The following PTPRT variants were observed in gnomAD, a reference collection of about 807,000 sequenced individuals.
PTPRT encodes the protein protein tyrosine phosphatase receptor type T, also known as receptor-type tyrosine-protein phosphatase T.
PTPRT carries 56 observed loss-of-function variants against 176.8 expected under a neutral mutation model. That is an observed-to-expected ratio of 0.32 (90% CI 0.26 to 0.40). PTPRT has a LOEUF of 0.40. PTPRT is among the 10% of genes least tolerant of loss of function. The pLI, the probability that PTPRT is intolerant of heterozygous loss-of-function variation, is 1.00. For missense variants in PTPRT, 1,540 were observed against 1,908.2 expected (o/e 0.81, Z 3.60); for synonymous variants, 783 against 739.0 (o/e 1.06, Z -0.96).
intron 6 of PTPRT, among the ~76,000 whole-genome samples, chr20:42,746,106 C>CTTTT (rs936131551): frequency 2.6e-5 from 4 of 152,234 alleles, no homozygotes; most frequent in African/African-American, 9.6e-5. Context: ...TAATGCAACA[C>CTTTT]ATCAGCATGC....
intron 9 of PTPRT, among the ~76,000 whole-genome samples, chr20:42,422,467 T>C (rs1377807479): frequency 2.0e-5 from 3 of 152,122 alleles, no homozygotes; most frequent in Non-Finnish European, 4.4e-5. Flanking sequence ...CACTGATCGT[T>C]AGAGAAATGC....
chr20:42,632,311 T>C (rs2074426390), intron 7 of PTPRT, among the ~76,000 whole-genome samples: 1 of 152,194 alleles, frequency 6.6e-6, no homozygotes, highest in South Asian at 2.1e-4. Context: ...CGATCTTGGC[T>C]CACTGCAATC....
intron 1 of PTPRT, among the ~76,000 whole-genome samples, chr20:43,028,500 G>A (rs977077107): frequency 1.3e-5 from 2 of 152,112 alleles, no homozygotes; most frequent in African/African-American, 2.4e-5. Context: ...CCTCATCTTA[G>A]GGAACTGAAT....
At position 42,110,349 on chromosome 20, in the gene PTPRT, T is replaced by C; in HGVS notation, c.3238A>G (p.Ile1080Val). 1 of 1,612,062 alleles carries C rather than the reference T, an allele frequency of 6.2e-7. No individual in the cohort carries two copies. Among genetic ancestry groups the C allele is most frequent in the South Asian group, 1.1e-5 (1 of 90,836 alleles). Residue 1080 changes from isoleucine to valine, a missense_variant, in exon 23 of 31, where the codon ATA becomes GTA. Around this residue, in one of 11 missense-constraint regions of PTPRT, gnomAD observed 248 missense variants for 356.7 expected, o/e 0.70. Coordinates refer to ENST00000373187, the MANE Select transcript of PTPRT (RefSeq NM_007050.6). ...KFLNPPEAGP[I>V]VVHCSAGAGR... is the part of the protein sequence containing the mutation. ...TTGACTTACCTGCAGTGGACCACTA[T>C]GGGCCCAGCTTCCGGGGGGTTGAGG...
At chr20:42,772,419 A>AT (rs1442551669) in intron 4 of PTPRT, among the ~76,000 whole-genome samples, 1 of 152,206 alleles carries the variant, frequency 6.6e-6, no homozygotes, top group African/African-American at 2.4e-5. Context: ...GGGACTGGAC[A>AT]TAACAGGGAA....
chr20:42,199,411 A>T (rs374659150), intron 15 of PTPRT, 23 bp from the exon 16 acceptor site: 4 of 1,610,352 alleles, frequency 2.5e-6, no homozygotes, highest in Non-Finnish European at 3.4e-6. Context: ...TGCAAGGGGA[A>T]AAAACCACAG....
intron 6 of PTPRT, among the ~76,000 whole-genome samples, chr20:42,744,042 G>T (rs997826070): frequency 2.0e-5 from 3 of 152,242 alleles, no homozygotes; most frequent in Non-Finnish European, 4.4e-5. Context: ...GAAGCTGGGT[G>T]AGGCCAGGTA....
intron 6 of PTPRT, among the ~76,000 whole-genome samples, chr20:42,722,325 G>A (rs958083278): frequency 1.3e-5 from 2 of 152,082 alleles, no homozygotes; most frequent in African/African-American, 4.8e-5. Context: ...CACCTCCAAT[G>A]CCCACCTCCT....
chr20:43,057,919 C>T (rs1987306821), intron 1 of PTPRT, among the ~76,000 whole-genome samples: 1 of 152,120 alleles, frequency 6.6e-6, no homozygotes, highest in Non-Finnish European at 1.5e-5. Context: ...AGTTTTGTTC[C>T]CCCACTCAAT....
chr20:42,397,140 T>A (rs1259682508), intron 9 of PTPRT, among the ~76,000 whole-genome samples: 1 of 152,206 alleles, frequency 6.6e-6, no homozygotes, highest in East Asian at 1.9e-4. Context: ...CCACTGTCAT[T>A]TCAGTGCCTG....
intron 1 of PTPRT, among the ~76,000 whole-genome samples, chr20:42,995,998 TA>T (rs1480935327): frequency 2.6e-5 from 4 of 152,020 alleles, no homozygotes; most frequent in African/African-American, 4.8e-5. Context: ...AAATTTTTAT[TA>T]TTTTTTTTGT....
chr20:42,972,446 G>C (rs565100477), intron 1 of PTPRT, among the ~76,000 whole-genome samples: 1 of 151,724 alleles, frequency 6.6e-6, no homozygotes, highest in African/African-American at 2.4e-5. Flanking sequence ...CAGATAACTT[G>C]AGGTAAGGAG....
chr20:43,022,013 G>T (rs1210955204), intron 1 of PTPRT, among the ~76,000 whole-genome samples: 1 of 152,150 alleles, frequency 6.6e-6, no homozygotes, highest in African/African-American at 2.4e-5. Flanking sequence ...TCCCTTTTAA[G>T]GATCTTTCTT....
chr20:42,540,379 A>T (rs965255386), intron 7 of PTPRT, among the ~76,000 whole-genome samples: 1 of 152,178 alleles, frequency 6.6e-6, no homozygotes, highest in Non-Finnish European at 1.5e-5. Flanking sequence ...GTGCACCTCC[A>T]AGACAAGGCA....
intron 12 of PTPRT, among the ~76,000 whole-genome samples, chr20:42,312,805 T>C (rs937637636): frequency 0.026 from 245 of 9,448 alleles, 3 homozygotes; most frequent in Non-Finnish European, 0.035. Flanking sequence ...TGAGATCCTT[T>C]TTTTTTTTTT....
chr20:42,641,075 T>C (rs2145930343), intron 7 of PTPRT, among the ~76,000 whole-genome samples: 1 of 152,312 alleles, frequency 6.6e-6, no homozygotes, highest in South Asian at 2.1e-4. Context: ...ACTAAGCCAT[T>C]ACCATAGTGT....
intron 7 of PTPRT, among the ~76,000 whole-genome samples, chr20:42,482,246 G>A (rs1199194379): frequency 1.3e-5 from 2 of 152,118 alleles, no homozygotes; most frequent in East Asian, 3.9e-4. Context: ...GAGGCTAATG[G>A]CCACAGAGAT....
At chr20:42,044,208 G>T in the PTPRT span, among the ~76,000 whole-genome samples, 1 of 152,222 alleles carries the variant, frequency 6.6e-6, no homozygotes, top group Non-Finnish European at 1.5e-5. Flanking sequence ...CCTCCAGTTG[G>T]ACTCTGTGGG....
intron 17 of PTPRT, among the ~76,000 whole-genome samples, chr20:42,155,386 G>C (rs1003246644): frequency 3.3e-5 from 5 of 152,224 alleles, no homozygotes; most frequent in Admixed American, 3.3e-4. Context: ...GGAAGCGGCA[G>C]CCCCAGATAG....
Sources: allele counts gnomAD v4.1 joint callset (sites outside exome capture counted in the v4.1 genomes callset), GRCh38; gene constraint gnomAD v4.1.1; regional missense constraint gnomAD v4.1.1; transcripts MANE v1.5; gene names NCBI Gene and HGNC (gene_info 2026-07-23, HGNC 2026-07-21).